Variants in ADD1 observed in about 807,000 individuals in gnomAD.
ADD1 encodes alpha-adducin.
A neutral mutation model predicts 80.5 loss-of-function variants in ADD1; 24 were observed. The ratio of observed to expected loss-of-function variants is 0.30; its 90% CI spans 0.22 to 0.42. The LOEUF is 0.42. Ranked by LOEUF, ADD1 falls within the 10% of genes least tolerant of loss-of-function variation. The pLI is 1.00. For synonymous variants in ADD1, 373 were observed against 393.8 expected (o/e 0.95, Z 0.63); for missense variants, 948 against 1,019.0 (o/e 0.93, Z 0.95).
At chr4:2,863,622 A>C (rs1729121252) in intron 1 of ADD1, among the ~76,000 whole-genome samples, 1 of 152,136 alleles carries the variant, frequency 6.6e-6, no homozygotes, top group African/African-American at 2.4e-5. Flanking sequence ...GCCACCCTAC[A>C]GTGAGTGTCT....
chr4:2,850,333 T>C (rs1726879456), intron 1 of ADD1, among the ~76,000 whole-genome samples: 1 of 152,164 alleles, frequency 6.6e-6, no homozygotes, highest in African/African-American at 2.4e-5. Flanking sequence ...AGTGGTGCGA[T>C]CTTGGCTCAC....
intron 8 of ADD1, chr4:2,898,916 A>G (rs1274098927): frequency 2.6e-5 from 10 of 382,110 alleles, no homozygotes; most frequent in Non-Finnish European, 4.8e-5. Flanking sequence ...TGCAGCTTAC[A>G]GCTGTGAGTT....
At chr4:2,880,910 T>C (rs1732203624) in intron 2 of ADD1, among the ~76,000 whole-genome samples, 1 of 152,084 alleles carries the variant, frequency 6.6e-6, no homozygotes, top group Admixed American at 6.6e-5. Context: ...TTGCCTGATT[T>C]AGTATTATTT....
chr4:2,892,497 C>T (rs887872464), intron 4 of ADD1, among the ~76,000 whole-genome samples: 2 of 151,972 alleles, frequency 1.3e-5, no homozygotes, highest in African/African-American at 4.8e-5. Context: ...AAGAGGCAAA[C>T]CAATGAAGGC....
intron 4 of ADD1, among the ~76,000 whole-genome samples, chr4:2,886,218 C>A (rs1007540327): frequency 6.6e-6 from 1 of 152,216 alleles, no homozygotes; most frequent in Non-Finnish European, 1.5e-5. Context: ...TCCATACTCA[C>A]ACACACATGG....
chr4:2,926,540 G>T lies in ADD1; in HGVS notation c.2047+428G>T, dbSNP rs1577761197. 12 of 1,270,718 alleles carry T rather than the reference G, an allele frequency of 9.4e-6. No homozygotes were observed. In the East Asian group the frequency reaches 3.0e-4, roughly 31 times the overall value. 78.7% of individuals were successfully genotyped at this position (1,270,718 alleles called of 1,614,324 possible). ...CTCGTACATCCATGTCTCTCGTGAA[G>T]CCCGTGGCCCTGCCTTTCTTCTTCT... is the stretch of plus-strand genomic sequence containing the variant. On this transcript the variant is annotated intron_variant, in intron 15 of 15. Transcript: ENST00000683351. The surrounding 1 kb of genome is among the most constrained non-coding windows in gnomAD (Gnocchi z 5.0).
In ADD1 at chr4:2,918,273, T is replaced by C. The variant is rs190269299; in HGVS notation, c.1948+3233T>C. Among the ~76,000 whole-genome samples the C allele has an allele frequency of 9.1e-3, 1,391 of 152,342 alleles. 22 individuals carry two copies. Among genetic ancestry groups the C allele is most frequent in the African/African-American group, 0.031 (1,308 of 41,568 alleles). On this transcript the variant is annotated intron_variant, in intron 14 of 15. Transcript: ENST00000683351. ...GTATTCCCAGGTATTTTATTCTCTT[T>C]GTAGCAATTGTGAATGGGAGTTCAC... is the stretch of plus-strand genomic sequence containing the variant.
chr4:2,909,925 A>G (rs1235674961), intron 13 of ADD1, among the ~76,000 whole-genome samples: 2 of 150,346 alleles, frequency 1.3e-5, no homozygotes, highest in Non-Finnish European at 3.0e-5. Context: ...GGGAATTCAG[A>G]CAGTCTTTGT....
At chr4:2,908,771 G>C (rs1737492844) in intron 12 of ADD1, 167 bp downstream of exon 12, 1 of 646,970 alleles carries the variant, frequency 1.5e-6, no homozygotes, top group African/African-American at 1.8e-5. Context: ...ACTTTTCGTT[G>C]AGTTCTAGAA....
intron 2 of ADD1, among the ~76,000 whole-genome samples, chr4:2,879,661 C>T (rs564530347): frequency 5.3e-5 from 8 of 152,034 alleles, no homozygotes; most frequent in Admixed American, 2.0e-4. Context: ...CTCACTCTGT[C>T]GCCCAGGCTG....
chr4:2,847,977 G>A (rs1040078843), intron 1 of ADD1, among the ~76,000 whole-genome samples: 3 of 152,168 alleles, frequency 2.0e-5, no homozygotes, highest in African/African-American at 7.2e-5. Flanking sequence ...CACTTTGGGA[G>A]GCCGAGGCAG....
intron 14 of ADD1, among the ~76,000 whole-genome samples, chr4:2,921,904 C>T (rs1377981889): frequency 1.3e-5 from 2 of 151,486 alleles, no homozygotes; most frequent in Admixed American, 6.6e-5. Context: ...CTGATATATC[C>T]TTTCTTCTGC....
chr4:2,899,279 A>G lies in ADD1; in HGVS notation c.1005A>G (p.Ala335=). The change falls in exon 9 of 16, where the codon GCA becomes GCG. Residue 335 remains alanine (A), a synonymous_variant. Transcript: ENST00000683351. ...AAAAGGTTCGAACTCTGGCCAGTGC[A>G]GGAGGACCAGACAACTTAGTCCTGC... The part of the protein sequence containing the change: ...CEIQVRTLAS[A]GGPDNLVLLN... 1 of 1,613,316 alleles carries G rather than the reference A, an allele frequency of 6.2e-7. No homozygotes were observed. Among genetic ancestry groups the G allele is most frequent in the Middle Eastern group, 1.7e-4 (1 of 6,060 alleles).
At chr4:2,901,449 A>G (rs1736163387) in intron 9 of ADD1, 1 of 152,226 alleles carries the variant, frequency 6.6e-6, no homozygotes, top group Admixed American at 6.5e-5. Flanking sequence ...TAAGTAAAAC[A>G]TTCATTACAA....
At chr4:2,867,939 G>A (rs1363581552) in intron 1 of ADD1, 1 of 152,210 alleles carries the variant, frequency 6.6e-6, no homozygotes, top group Non-Finnish European at 1.5e-5. Context: ...CACATAGTGA[G>A]CAGTGATAAC....
intron 2 of ADD1, among the ~76,000 whole-genome samples, chr4:2,877,607 A>G (rs1731561786): frequency 6.6e-6 from 1 of 152,092 alleles, no homozygotes; most frequent in Non-Finnish European, 1.5e-5. Flanking sequence ...GACTGTGGTC[A>G]GAAAGGCTGT....
At chr4:2,850,387 C>A (rs1197082386) in intron 1 of ADD1, among the ~76,000 whole-genome samples, 1 of 152,206 alleles carries the variant, frequency 6.6e-6, no homozygotes, top group African/African-American at 2.4e-5. Context: ...CCTGCCTCAG[C>A]CTCCTGAGTA....
Position 2,875,997 on chromosome 4 carries a change from G to A in ADD1, c.82G>A (p.Val28Ile). ...TCACAAGGAGAGGTACTTCGACCGA[G>A]TAGATGAGAACAACCCAGAGTACTT... ...APHKERYFDR[V>I]DENNPEYLRE... The change falls in exon 2 of 16, where the codon GTA becomes ATA. Residue 28 changes from valine to isoleucine, a missense_variant. By Grantham distance (29) the Val-to-Ile change is conservative. Transcript: ENST00000683351. The A allele has an allele frequency of 1.2e-6, 2 of 1,614,156 alleles. No homozygotes were observed. Among genetic ancestry groups the A allele is most frequent in the Non-Finnish European group, 1.7e-6 (2 of 1,180,006 alleles).
rs370224375 is a variant in ADD1, at chr4:2,852,207, C to CCTTTCTTTCCTTTCTTTCCTTTCCTTT, written c.-21+8188_-21+8189insTTTCCTTTCTTTCCTTTCCTTTCTTTC. ...CTTTCTTTCTTTCTTTCCTTTCTTT[C>CCTTTCTTTCCTTTCTTTCCTTTCCTTT]CTTTCCTTTCTTTCCTTTCTTTCCT... is the stretch of plus-strand genomic sequence containing the variant. On this transcript the variant is annotated intron_variant, in intron 1 of 15. Transcript: ENST00000683351. Among the ~76,000 whole-genome samples the CCTTTCTTTCCTTTCTTTCCTTTCCTTT allele has an allele frequency of 2.3e-3, 151 of 66,106 alleles. 3 individuals carry two copies. The highest frequency in any genetic ancestry group is 6.2e-3 in the Middle Eastern group (1 of 162). 43.4% of individuals were successfully genotyped at this position (66,106 alleles called of 152,430 possible). A position where few individuals can be genotyped will look rare whatever the true frequency, so the allele number is the denominator to read the frequency against.
Sources: allele counts gnomAD v4.1 joint callset (sites outside exome capture counted in the v4.1 genomes callset), GRCh38; gene constraint gnomAD v4.1.1; non-coding constraint Gnocchi (gnomAD v3.1); transcripts MANE v1.5; gene names NCBI Gene and HGNC (gene_info 2026-07-23, HGNC 2026-07-21).